The following SGCD variants were observed in gnomAD, a reference collection of about 807,000 sequenced individuals.
SGCD encodes delta-sarcoglycan.
Under a neutral mutation model 36.6 loss-of-function variants are expected in SGCD, and 18 were observed. That is an observed-to-expected ratio of 0.49 (90% CI 0.34 to 0.73). The LOEUF (loss-of-function observed/expected upper bound fraction) is 0.73, where lower values mean the gene tolerates loss of function less well. Among genes scored for constraint, SGCD ranks in the 30% least tolerant of loss-of-function variants. The probability of loss-of-function intolerance (pLI) is 0.01; values close to 1 mark genes in which losing one functional copy is unlikely to be tolerated. For missense variants in SGCD, 387 were observed against 346.7 expected, an observed-to-expected ratio of 1.12 and a Z score of -0.92; for synonymous variants, 133 against 130.6, an observed-to-expected ratio of 1.02 and a Z score of -0.12.
Position 156,458,841 on chromosome 5 carries a change from T to C in SGCD, c.193-49760T>C, listed in dbSNP as rs761398474. On this transcript the variant is annotated intron_variant, in intron 3 of 8. Coordinates refer to ENST00000337851, the MANE Select transcript of SGCD (RefSeq NM_000337.6). ...AGTGTTTAAACAAGTGACTAGAACATGGTGAGTCTTCAGTGGATTTTAATT... is the reference window on the plus strand; with the variant it reads ...AGTGTTTAAACAAGTGACTAGAACACGGTGAGTCTTCAGTGGATTTTAATT... 6.4e-4 allele frequency among the ~76,000 whole-genome samples: 97 copies of C among 152,290 alleles called. 1 individual carries two copies. The highest frequency in any genetic ancestry group is 3.9e-3 in the Admixed American group (59 of 15,294).
intron 3 of SGCD, among the ~76,000 whole-genome samples, chr5:156,283,109 C>T (rs1403288722): frequency 1.3e-5 from 2 of 152,092 alleles, no homozygotes; most frequent in African/African-American, 4.8e-5. Flanking sequence ...CCCCAGAGAA[C>T]TTCATATATA....
chr5:156,562,335 G>A (rs766198838), intron 4 of SGCD, among the ~76,000 whole-genome samples: 1 of 152,138 alleles, frequency 6.6e-6, no homozygotes, highest in South Asian at 2.1e-4. Flanking sequence ...TTGAGCAGTG[G>A]CCATTTAAGC....
the SGCD span, among the ~76,000 whole-genome samples, chr5:155,837,209 G>A: frequency 6.6e-6 from 1 of 152,010 alleles, no homozygotes; most frequent in African/African-American, 2.4e-5. Context: ...CCAAGCTGGA[G>A]TGCAGTGGCA....
intron 3 of SGCD, among the ~76,000 whole-genome samples, chr5:156,229,565 T>C (rs1322827214): frequency 1.3e-5 from 2 of 151,882 alleles, no homozygotes; most frequent in Non-Finnish European, 2.9e-5. Flanking sequence ...CCTTTTTACG[T>C]TACCTGGTGC....
chr5:155,810,195 T>C, the SGCD span, among the ~76,000 whole-genome samples: 1 of 152,240 alleles, frequency 6.6e-6, no homozygotes, highest in East Asian at 1.9e-4. Context: ...TTATACTTTT[T>C]AATTTTGTTG....
intron 3 of SGCD, among the ~76,000 whole-genome samples, chr5:156,221,338 A>G (rs1258544636): frequency 6.6e-6 from 1 of 152,150 alleles, no homozygotes; most frequent in African/African-American, 2.4e-5. Flanking sequence ...TCATTGAATC[A>G]TTACCCTCTG....
chr5:155,889,410 C>T (rs1410322532), intron 1 of SGCD, among the ~76,000 whole-genome samples: 3 of 152,170 alleles, frequency 2.0e-5, no homozygotes, highest in Admixed American at 2.0e-4. Context: ...TGGGGCTCCA[C>T]ACAAAAGCCT....
intron 7 of SGCD, among the ~76,000 whole-genome samples, chr5:156,737,333 G>C (rs1291618090): frequency 6.6e-6 from 1 of 152,156 alleles, no homozygotes; most frequent in Non-Finnish European, 1.5e-5. Context: ...GCTGCTAGCT[G>C]AGTTACCTTA....
chr5:156,035,402 T>C (rs1244585606), intron 1 of SGCD, among the ~76,000 whole-genome samples: 1 of 152,116 alleles, frequency 6.6e-6, no homozygotes, highest in Non-Finnish European at 1.5e-5. Context: ...GGCCAAGTGT[T>C]CAATACTAGC....
At position 156,753,896 on chromosome 5, in the gene SGCD, A is replaced by G. The variant is rs77687281; in HGVS notation, c.576-3685A>G. Among the ~76,000 whole-genome samples the G allele has an allele frequency of 1.7e-3, 261 of 152,360 alleles. 1 individual carries two copies. The highest frequency in any genetic ancestry group is 4.8e-3 in the African/African-American group (200 of 41,590). ...GGTGGGACACAGCCAAACCATATCA[A>G]GGAGCTTTATCTCAGTGGAAAGACT... On this transcript the variant is annotated intron_variant, in intron 7 of 8. Transcript: ENST00000337851.
intron 7 of SGCD, among the ~76,000 whole-genome samples, chr5:156,744,150 T>C (rs1581517299): frequency 6.6e-6 from 1 of 152,248 alleles, no homozygotes; most frequent in African/African-American, 2.4e-5. Flanking sequence ...GACCCCTGTC[T>C]CTATAAATCC....
chr5:156,619,725 A>T (rs1222598184), intron 6 of SGCD, among the ~76,000 whole-genome samples: 1 of 152,194 alleles, frequency 6.6e-6, no homozygotes, highest in Non-Finnish European at 1.5e-5. Flanking sequence ...TGAATAAGAA[A>T]ATCTCAGTGC....
At chr5:155,963,501 A>G (rs1432733) in intron 1 of SGCD, among the ~76,000 whole-genome samples, 35,784 of 152,054 alleles carry the variant, frequency 0.24, 5,224 homozygotes, top group South Asian at 0.38. Flanking sequence ...ATCTAGAACA[A>G]TAACAGCAGT....
At chr5:156,306,404 T>C (rs1164620236) in intron 3 of SGCD, among the ~76,000 whole-genome samples, 2 of 152,240 alleles carry the variant, frequency 1.3e-5, no homozygotes, top group Non-Finnish European at 1.5e-5. Context: ...CCTTGCCTTC[T>C]GCTGTGATTG....
intron 1 of SGCD, among the ~76,000 whole-genome samples, chr5:156,048,397 C>A (rs1402791822): frequency 6.6e-6 from 1 of 152,202 alleles, no homozygotes; most frequent in Non-Finnish European, 1.5e-5. Flanking sequence ...GGAATCGCCA[C>A]ACTGACTTCC....
rs140887599 is a variant in SGCD at position 156,230,749 on chromosome 5, A to G, written c.-43-98785A>G. Among the ~76,000 whole-genome samples, 285 of 152,292 alleles carry G rather than the reference A, an allele frequency of 1.9e-3. 1 individual carries two copies. Among genetic ancestry groups the G allele is most frequent in the African/African-American group, 6.4e-3 (264 of 41,570 alleles). On this transcript the variant is annotated intron_variant, in intron 3 of 9. Coordinates refer to the SGCD transcript ENST00000517913. ...TGTAATCTAGTTCTGCTTCCCGTCC[A>G]TCATGATCCACCACTATATCTCAGC...
chr5:156,225,749 T>A (rs1205924251), intron 3 of SGCD, among the ~76,000 whole-genome samples: 1 of 152,016 alleles, frequency 6.6e-6, no homozygotes, highest in East Asian at 1.9e-4. Flanking sequence ...AAGTAGTAAT[T>A]GTAACTGACA....
chr5:156,143,023 A>G (rs1446191604), intron 3 of SGCD, among the ~76,000 whole-genome samples: 1 of 152,234 alleles, frequency 6.6e-6, no homozygotes, highest in African/African-American at 2.4e-5. Flanking sequence ...AACCCTTCCC[A>G]TCACAGGCCC....
At chr5:156,710,826 T>C (rs1310429214) in intron 7 of SGCD, among the ~76,000 whole-genome samples, 4 of 152,168 alleles carry the variant, frequency 2.6e-5, no homozygotes, top group Non-Finnish European at 4.4e-5. Context: ...CTTCAAAAGG[T>C]GCTGGACTCT....
Sources: gnomAD v4.1 joint callset for allele counts (sites outside exome capture counted in the v4.1 genomes callset) on GRCh38, gnomAD v4.1.1 for gene constraint, MANE v1.5 for transcripts, NCBI Gene and HGNC (gene_info 2026-07-23, HGNC 2026-07-21) for gene names.